Variants in SCG3 observed in about 807,000 individuals in gnomAD.
SCG3 encodes secretogranin-3.
Under a neutral mutation model 56.2 loss-of-function variants are expected in SCG3, and 38 were observed. That is an observed-to-expected ratio of 0.68 (90% CI 0.52 to 0.89). The LOEUF is 0.89. SCG3 is among the 40% of genes least tolerant of loss of function. The probability of loss-of-function intolerance (pLI) is 0.00; values close to 1 mark genes in which losing one functional copy is unlikely to be tolerated. For missense variants in SCG3, 524 were observed against 540.7 expected, an observed-to-expected ratio of 0.97 and a Z score of 0.31; for synonymous variants, 176 against 184.2, an observed-to-expected ratio of 0.96 and a Z score of 0.36.
At chr15:51,684,801 G>T (rs1326901446) in intron 4 of SCG3, among the ~76,000 whole-genome samples, 1 of 152,132 alleles carries the variant, frequency 6.6e-6, no homozygotes, top group Non-Finnish European at 1.5e-5. Context: ...AACTTCATAA[G>T]AATAGAGACA....
chr15:51,688,437 A>T (rs927245209), intron 5 of SCG3, 35 bp downstream of exon 5: 4 of 1,602,268 alleles, frequency 2.5e-6, no homozygotes, highest in Non-Finnish European at 3.4e-6. Context: ...CCAAATTCCT[A>T]GTGCAGTTTA....
intron 11 of SCG3, among the ~76,000 whole-genome samples, chr15:51,719,153 G>A (rs1057290479): frequency 1.3e-5 from 2 of 152,178 alleles, no homozygotes; most frequent in Admixed American, 6.5e-5. Context: ...TTCCTGTTTG[G>A]TCAAATGGGG....
chr15:51,704,259 A>G (rs2055358412), intron 10 of SCG3, among the ~76,000 whole-genome samples: 1 of 132,674 alleles, frequency 7.5e-6, no homozygotes, highest in African/African-American at 3.1e-5. Flanking sequence ...ATATATATAT[A>G]TATATATATA....
At chr15:51,707,770 C>T (rs1219337142) in intron 10 of SCG3, among the ~76,000 whole-genome samples, 1 of 152,206 alleles carries the variant, frequency 6.6e-6, no homozygotes, top group African/African-American at 2.4e-5. Context: ...AATCTCACAG[C>T]TCCGTGGCCT....
chr15:51,706,126 C>T (rs1253832227), intron 10 of SCG3, among the ~76,000 whole-genome samples: 1 of 152,104 alleles, frequency 6.6e-6, no homozygotes, highest in African/African-American at 2.4e-5. Context: ...ATTTTGCTTC[C>T]CTGTTATAAA....
At chr15:51,683,047 T>G in intron 2 of SCG3, 32 bp from the exon 3 acceptor site, 1 of 1,585,928 alleles carries the variant, frequency 6.3e-7, no homozygotes, top group Non-Finnish European at 8.6e-7. Flanking sequence ...GCAATGATTT[T>G]AAACCAAGTC....
At chr15:51,696,117 C>A in intron 8 of SCG3, 126 bp downstream of exon 8, 1 of 711,006 alleles carries the variant, frequency 1.4e-6, no homozygotes, top group Non-Finnish European at 2.5e-6. Context: ...CACCAAGAAT[C>A]GACCAGTTTG....
chr15:51,700,731 C>T (rs534300188), intron 9 of SCG3, among the ~76,000 whole-genome samples: 1 of 151,922 alleles, frequency 6.6e-6, no homozygotes, highest in African/African-American at 2.4e-5. Context: ...TACTTCAGAA[C>T]ATGACATATC....
rs866345197 is a variant in SCG3 at position 51,704,250 on chromosome 15, T to C, written c.1207+3006T>C. 1.1e-3 allele frequency among the ~76,000 whole-genome samples: 127 copies of C among 120,870 alleles called. 1 individual carries two copies. Among genetic ancestry groups the C allele is most frequent in the African/African-American group, 3.0e-3 (77 of 25,378 alleles). The allele number at this position is 120,870 out of a possible 152,430, so 79.3% of individuals were successfully genotyped here. On this transcript the variant is annotated intron_variant, in intron 10 of 11. Transcript: ENST00000220478. The stretch of plus-strand genomic sequence containing the variant: ...GTGTATACATACATACATACATATA[T>C]ATATATATATATATATATATATATA...
Position 51,695,980 on chromosome 15 carries a change from T to C in SCG3, c.974T>C (p.Val325Ala). 1 of 1,573,092 alleles carries C rather than the reference T, an allele frequency of 6.4e-7. No individual in the cohort carries two copies. Among genetic ancestry groups the C allele is most frequent in the Middle Eastern group, 1.7e-4 (1 of 5,990 alleles). ...KYGTISPEEGVSYLENLDEMI... is the reference protein window; with the variant it reads ...KYGTISPEEGASYLENLDEMI... ...GGAACAATATCTCCAGAAGAAGGTG[T>C]TTCCTACCTTGGTGAGATTCTATGT... Residue 325 changes from valine to alanine, a missense_variant, in exon 8 of 12, where the codon GTT becomes GCT. By Grantham distance (64) the Val-to-Ala change is moderately conservative. Coordinates refer to ENST00000220478, the MANE Select transcript of SCG3 (RefSeq NM_013243.4).
intron 10 of SCG3, among the ~76,000 whole-genome samples, chr15:51,710,999 C>A (rs2055417220): frequency 6.6e-6 from 1 of 152,092 alleles, no homozygotes; most frequent in African/African-American, 2.4e-5. Flanking sequence ...CCCCAGGAAG[C>A]ACCACTGCAG....
At chr15:51,683,507 TA>T in intron 4 of SCG3, 73 bp downstream of exon 4, 1 of 937,938 alleles carries the variant, frequency 1.1e-6, no homozygotes, top group South Asian at 1.7e-5. Context: ...TCCAATATTT[TA>T]AAAATATCTT....
Position 51,692,189 on chromosome 15 carries a change from G to T in SCG3, c.721G>T (p.Ala241Ser), listed in dbSNP as rs1850516545. The T allele has an allele frequency of 6.2e-7, 1 of 1,613,294 alleles. No homozygotes were observed. Among genetic ancestry groups the T allele is most frequent in the Admixed American group, 1.7e-5 (1 of 59,946 alleles). Residue 241 changes from alanine (A) to serine (S), a missense_variant, in exon 7 of 12, where the codon GCT (alanine) becomes TCT (serine). Physicochemically the swap from Ala to Ser is moderately conservative, Grantham distance 99. Coordinates refer to ENST00000220478, the MANE Select transcript of SCG3 (RefSeq NM_013243.4). ...TPMAAIQDGL[A>S]KGENDETVSN... ...AATGGCAGCAATTCAAGATGGTCTTGCTAAGGGAGAAAACGATGAAACAGT... is the reference window on the plus strand; with the variant it reads ...AATGGCAGCAATTCAAGATGGTCTTTCTAAGGGAGAAAACGATGAAACAGT...
At chr15:51,710,371 T>G (rs1271241951) in intron 10 of SCG3, among the ~76,000 whole-genome samples, 5 of 152,222 alleles carry the variant, frequency 3.3e-5, no homozygotes, top group African/African-American at 9.6e-5. Context: ...GTCCTAATCA[T>G]GTATGTTATA....
chr15:51,718,300 G>T (rs1341874594), intron 11 of SCG3, among the ~76,000 whole-genome samples: 1 of 152,162 alleles, frequency 6.6e-6, no homozygotes, highest in Non-Finnish European at 1.5e-5. Context: ...GCTGTAAAGT[G>T]TCCAGTGCTG....
At chr15:51,716,379 C>T (rs1162922826) in intron 11 of SCG3, among the ~76,000 whole-genome samples, 4 of 152,162 alleles carry the variant, frequency 2.6e-5, no homozygotes, top group African/African-American at 7.2e-5. Context: ...TTCTCTACTT[C>T]GTGCCTGAGA....
In SCG3 at chr15:51,720,312, G is replaced by A. The variant is rs1358551543; in HGVS notation, c.*786G>A. 1 of 152,240 alleles carries A rather than the reference G, an allele frequency of 6.6e-6. No individual in the cohort carries two copies. 9.4% of individuals were successfully genotyped at this position (152,240 alleles called of 1,614,324 possible). A position where few individuals can be genotyped will look rare whatever the true frequency, so the allele number is the denominator to read the frequency against. Reference sequence around the variant, plus strand: ...ATCCAAGCCAAGTTTTCTCAACAGAGAGCAAAGGGCCAGGCAGTAAGGTAG... The same window carrying A: ...ATCCAAGCCAAGTTTTCTCAACAGAAAGCAAAGGGCCAGGCAGTAAGGTAG... On this transcript the variant is annotated 3_prime_UTR_variant, in exon 12 of 12. Transcript: ENST00000220478.
intron 11 of SCG3, among the ~76,000 whole-genome samples, chr15:51,715,948 C>G (rs1255258624): frequency 6.6e-6 from 1 of 152,046 alleles, no homozygotes; most frequent in African/African-American, 2.4e-5. Context: ...AGCTCCGCCT[C>G]CAGGGTTCAC....
intron 9 of SCG3, among the ~76,000 whole-genome samples, chr15:51,700,700 G>A (rs1447663662): frequency 6.6e-6 from 1 of 152,144 alleles, no homozygotes; most frequent in Non-Finnish European, 1.5e-5. Flanking sequence ...ATTATCATTT[G>A]GAATCAAGAC....
Sources: allele counts gnomAD v4.1 joint callset (sites outside exome capture counted in the v4.1 genomes callset), GRCh38; gene constraint gnomAD v4.1.1; transcripts MANE v1.5; gene names NCBI Gene and HGNC (gene_info 2026-07-23, HGNC 2026-07-21).